The following FOXP1 variants were observed in gnomAD, a reference collection of about 807,000 sequenced individuals.
FOXP1 encodes the protein forkhead box P1.
FOXP1 carries 15 observed loss-of-function variants against 98.2 expected under a neutral mutation model. That is an observed-to-expected ratio of 0.15 (90% confidence interval 0.10 to 0.24). The LOEUF (loss-of-function observed/expected upper bound fraction) is 0.24. FOXP1 is among the 10% of genes least tolerant of loss of function. The pLI, the probability that FOXP1 is intolerant of heterozygous loss-of-function variation, is 1.00. For missense variants in FOXP1, 633 were observed against 848.5 expected, an observed-to-expected ratio of 0.75 and a Z score of 3.15; for synonymous variants, 371 against 314.5, an observed-to-expected ratio of 1.18 and a Z score of -1.90.
intron 4 of FOXP1, among the ~76,000 whole-genome samples, chr3:71,300,400 A>C (rs548085937): frequency 1.3e-5 from 2 of 152,300 alleles, no homozygotes; most frequent in South Asian, 4.1e-4. Context: ...GCAGGGAGTT[A>C]ATTGCTGGCG....
At chr3:71,582,248 A>G (rs981974562) in intron 1 of FOXP1, 3 of 985,186 alleles carry the variant, frequency 3.0e-6, no homozygotes, top group Non-Finnish European at 3.6e-6. Flanking sequence ...CAAAAAGAAG[A>G]AGGAATCTAA....
chr3:71,348,525 G>A (rs867368403), intron 4 of FOXP1, among the ~76,000 whole-genome samples: 2,628 of 122,960 alleles, frequency 0.021, 80 homozygotes, highest in African/African-American at 0.078. Context: ...GTGTGTGCGT[G>A]TGTGTGTGTG....
chr3:71,207,011 T>C (rs1368401301), intron 5 of FOXP1, among the ~76,000 whole-genome samples: 1 of 152,178 alleles, frequency 6.6e-6, no homozygotes, highest in Non-Finnish European at 1.5e-5. Flanking sequence ...AAAAGGAGCT[T>C]TGCCAATCCA....
chr3:70,957,806 A>ATATT lies in FOXP1; in HGVS notation c.*1437_*1440dup, dbSNP rs1229024307. 8.6e-6 allele frequency: 2 copies of ATATT among 233,852 alleles called. No homozygotes were observed. Among genetic ancestry groups the ATATT allele is most frequent in the Non-Finnish European group, 1.7e-5 (2 of 118,244 alleles). 14.5% of individuals were successfully genotyped at this position (233,852 alleles called of 1,614,324 possible). A position where few individuals can be genotyped will look rare whatever the true frequency, so the allele number is the denominator to read the frequency against. Reference sequence around the variant, plus strand: ...TAACAAACTGCAGTACCAAATTTGCATATTTGAAATTAACACTTTAGCATT... The same window carrying ATATT: ...TAACAAACTGCAGTACCAAATTTGCATATTTATTTGAAATTAACACTTTAGCATT... On this transcript the variant is annotated 3_prime_UTR_variant, in exon 21 of 21. Coordinates refer to ENST00000649528, the MANE Select transcript of FOXP1 (RefSeq NM_001349338.3).
At chr3:71,216,461 GC>G (rs2064939105) in intron 5 of FOXP1, among the ~76,000 whole-genome samples, 1 of 152,146 alleles carries the variant, frequency 6.6e-6, no homozygotes. Flanking sequence ...ATTTGAATGG[GC>G]TGGGAAGCTG....
chr3:71,083,436 T>C (rs2054672287), intron 7 of FOXP1, among the ~76,000 whole-genome samples: 1 of 152,202 alleles, frequency 6.6e-6, no homozygotes. Context: ...CACAGGTATT[T>C]CTTTATAGTG....
intron 3 of FOXP1, among the ~76,000 whole-genome samples, chr3:71,436,150 CA>C (rs1448316193): frequency 6.6e-6 from 1 of 151,756 alleles, no homozygotes; most frequent in Non-Finnish European, 1.5e-5. Context: ...ACATATTTCC[CA>C]AACTGTTCCT....
At chr3:71,108,895 AC>A (rs2057673279) in intron 7 of FOXP1, among the ~76,000 whole-genome samples, 1 of 152,210 alleles carries the variant, frequency 6.6e-6, no homozygotes, top group Admixed American at 6.5e-5. Context: ...TATCCCATGA[AC>A]ACCAGCACCA....
At chr3:70,979,318 A>G (rs2038345759) in intron 14 of FOXP1, among the ~76,000 whole-genome samples, 2 of 144,000 alleles carry the variant, frequency 1.4e-5, no homozygotes, top group Non-Finnish European at 3.0e-5. Flanking sequence ...AAAAAAAAAA[A>G]AAGAAAAAAA....
intron 3 of FOXP1, among the ~76,000 whole-genome samples, chr3:71,425,207 C>T (rs1437063185): frequency 1.3e-5 from 2 of 152,138 alleles, no homozygotes; most frequent in Non-Finnish European, 2.9e-5. Flanking sequence ...CATTCACCTC[C>T]CAGGTTCAAG....
intron 6 of FOXP1, among the ~76,000 whole-genome samples, chr3:71,178,559 G>A (rs1029979447): frequency 1.3e-5 from 2 of 152,098 alleles, no homozygotes; most frequent in African/African-American, 4.8e-5. Flanking sequence ...GACCAGCCTG[G>A]TCAATGTGGT....
At chr3:71,173,464 C>T (rs2061756515) in intron 6 of FOXP1, among the ~76,000 whole-genome samples, 1 of 151,652 alleles carries the variant, frequency 6.6e-6, no homozygotes, top group African/African-American at 2.4e-5. Context: ...GTCCTGCAAG[C>T]ATAGGATAGC....
chr3:71,104,643 T>C (rs1288100916), intron 7 of FOXP1, among the ~76,000 whole-genome samples: 1 of 152,132 alleles, frequency 6.6e-6, no homozygotes, highest in African/African-American at 2.4e-5. Context: ...GGAAACAATA[T>C]AATTTATTTT....
intron 2 of FOXP1, among the ~76,000 whole-genome samples, chr3:71,511,484 T>C (rs1334659155): frequency 6.7e-6 from 1 of 149,180 alleles, no homozygotes; most frequent in African/African-American, 2.5e-5. Context: ...AGTCTACAAG[T>C]TGTAGAATTA....
intron 5 of FOXP1, chr3:71,289,749 C>T (rs528786827): frequency 1.3e-5 from 2 of 152,060 alleles, no homozygotes; most frequent in South Asian, 4.2e-4. Flanking sequence ...TGGGCTTGAA[C>T]AATCCTCCTG....
chr3:71,496,325 T>G (rs896057785), intron 2 of FOXP1, among the ~76,000 whole-genome samples: 1 of 152,080 alleles, frequency 6.6e-6, no homozygotes, highest in Non-Finnish European at 1.5e-5. Flanking sequence ...CTTGAGGTTT[T>G]GGGAGGAATT....
chr3:71,364,594 A>G (rs538758550), intron 3 of FOXP1, among the ~76,000 whole-genome samples: 40 of 152,358 alleles, frequency 2.6e-4, no homozygotes, highest in African/African-American at 9.6e-4. Flanking sequence ...TTTCTAAATA[A>G]AACAGTTTTG....
chr3:71,088,320 C>T (rs148316364), intron 7 of FOXP1, among the ~76,000 whole-genome samples: 157 of 152,274 alleles, frequency 1.0e-3, no homozygotes, highest in African/African-American at 3.6e-3. Flanking sequence ...GTCATCACCA[C>T]GGTGTTTATC....
chr3:71,292,153 C>G (rs572865365), intron 5 of FOXP1, among the ~76,000 whole-genome samples: 82 of 152,118 alleles, frequency 5.4e-4, no homozygotes, highest in South Asian at 1.5e-3. Context: ...TAGGATATTT[C>G]CTCTGGCCTC....
Sources: gnomAD v4.1 joint callset for allele counts (sites outside exome capture counted in the v4.1 genomes callset) on GRCh38, gnomAD v4.1.1 for gene constraint, MANE v1.5 for transcripts, NCBI Gene and HGNC (gene_info 2026-07-23, HGNC 2026-07-21) for gene names.